Variants in HYCC2 observed in about 807,000 individuals in gnomAD.
HYCC2 encodes the protein hyccin 2.
chr2:201,011,487 T>C, the HYCC2 span: 2 of 1,394,726 alleles, frequency 1.4e-6, no homozygotes, highest in Non-Finnish European at 2.0e-6. Context: ...AGTCAAAAAA[T>C]ATACAAAGAT....
At chr2:201,066,543 A>G in the HYCC2 span, 1 of 152,272 alleles carries the variant, frequency 6.6e-6, no homozygotes, top group Non-Finnish European at 1.5e-5. Context: ...TGGAAAAATT[A>G]TAACTTTCAG....
the HYCC2 span, among the ~76,000 whole-genome samples, chr2:201,041,117 A>AATCTT: frequency 1.3e-5 from 2 of 152,204 alleles, no homozygotes; most frequent in African/African-American, 4.8e-5. Context: ...ATCACAAGAT[A>AATCTT]AACATTACAT....
At chr2:201,023,463 T>C in the HYCC2 span, among the ~76,000 whole-genome samples, 8 of 152,312 alleles carry the variant, frequency 5.3e-5, no homozygotes, top group African/African-American at 1.7e-4. Flanking sequence ...TCACACATTA[T>C]ACCAACATTT....
chr2:201,035,266 T>C, the HYCC2 span, among the ~76,000 whole-genome samples: 3 of 152,170 alleles, frequency 2.0e-5, no homozygotes, highest in Non-Finnish European at 2.9e-5. Flanking sequence ...GGTCTTTTCA[T>C]ATAGTCCCAT....
chr2:201,022,441 T>C, the HYCC2 span: 1 of 230,594 alleles, frequency 4.3e-6, no homozygotes. Context: ...TGATTATACC[T>C]AGTTATATAT....
chr2:201,071,637 ACCG>A, the HYCC2 span: 2 of 154,046 alleles, frequency 1.3e-5, no homozygotes, highest in Non-Finnish European at 2.9e-5. Flanking sequence ...CCGGCTTCCT[ACCG>A]CCGCCGCCTC....
the HYCC2 span, among the ~76,000 whole-genome samples, chr2:201,020,271 C>T: frequency 5.5e-4 from 84 of 152,122 alleles, no homozygotes; most frequent in Non-Finnish European, 1.1e-3. Flanking sequence ...GACACCATTC[C>T]CAAATTTAGC....
chr2:201,021,208 A>G, the HYCC2 span, among the ~76,000 whole-genome samples: 1 of 152,218 alleles, frequency 6.6e-6, no homozygotes, highest in East Asian at 1.9e-4. Flanking sequence ...ACTAAAGTCC[A>G]GAATTGTTTT....
chr2:201,032,376 A>ATAT, the HYCC2 span, among the ~76,000 whole-genome samples: 1 of 152,146 alleles, frequency 6.6e-6, no homozygotes, highest in African/African-American at 2.4e-5. Flanking sequence ...TTGAAGATGA[A>ATAT]TATTAGACTT....
chr2:200,992,916 C>A, the HYCC2 span: 1 of 1,612,230 alleles, frequency 6.2e-7, no homozygotes, highest in South Asian at 1.1e-5. Context: ...TGAGAAGTTG[C>A]ACCATAAATT....
At chr2:201,062,067 T>C in the HYCC2 span, among the ~76,000 whole-genome samples, 1 of 152,058 alleles carries the variant, frequency 6.6e-6, no homozygotes, top group Admixed American at 6.6e-5. Flanking sequence ...ATCACACAAC[T>C]GCACTCCAGT....
the HYCC2 span, among the ~76,000 whole-genome samples, chr2:200,982,608 T>C: frequency 6.6e-6 from 1 of 152,190 alleles, no homozygotes; most frequent in African/African-American, 2.4e-5. Flanking sequence ...TAAGGATTTA[T>C]ATTTTCTATA....
chr2:201,024,914 G>C, the HYCC2 span, among the ~76,000 whole-genome samples: 1 of 151,976 alleles, frequency 6.6e-6, no homozygotes, highest in Non-Finnish European at 1.5e-5. Context: ...TTCCAGACCA[G>C]CCTGGGCAAC....
At chr2:201,016,230 A>G in the HYCC2 span, among the ~76,000 whole-genome samples, 1 of 152,356 alleles carries the variant, frequency 6.6e-6, no homozygotes, top group African/African-American at 2.4e-5. Flanking sequence ...TGCATTATCA[A>G]TATCTACCCC....
the HYCC2 span, among the ~76,000 whole-genome samples, chr2:201,070,482 G>A: frequency 2.0e-5 from 3 of 152,032 alleles, no homozygotes; most frequent in African/African-American, 7.2e-5. Context: ...GAGAAACCCC[G>A]TATCTACTAA....
chr2:201,038,021 AC>A, the HYCC2 span, among the ~76,000 whole-genome samples: 1 of 152,246 alleles, frequency 6.6e-6, no homozygotes, highest in Non-Finnish European at 1.5e-5. Flanking sequence ...TCCAGAATCT[AC>A]AATGAACTCA....
At chr2:201,067,059 C>A in the HYCC2 span, 1 of 316,040 alleles carries the variant, frequency 3.2e-6, no homozygotes, top group South Asian at 3.1e-5. Context: ...AAATAGGCTA[C>A]AAAGAAGCTC....
the HYCC2 span, among the ~76,000 whole-genome samples, chr2:201,000,281 T>G: frequency 6.7e-6 from 1 of 149,448 alleles, no homozygotes; most frequent in South Asian, 2.1e-4. Flanking sequence ...CAGGAGTACT[T>G]GAGCTCAGGA....
At chr2:201,024,641 TAC>T in the HYCC2 span, among the ~76,000 whole-genome samples, 6 of 152,198 alleles carry the variant, frequency 3.9e-5, no homozygotes, top group Non-Finnish European at 7.3e-5. Flanking sequence ...AAATGCAGTC[TAC>T]AGTTTTACCA....
Sources: gnomAD v4.1 joint callset for allele counts (sites outside exome capture counted in the v4.1 genomes callset) on GRCh38, gnomAD v4.1.1 for gene constraint, MANE v1.5 for transcripts, NCBI Gene and HGNC (gene_info 2026-07-23, HGNC 2026-07-21) for gene names.